SAMD5: variants seen among roughly 807,000 people sequenced by gnomAD.
SAMD5 encodes the protein sterile alpha motif domain-containing protein 5.
SAMD5 carries 13 observed loss-of-function variants against 11.3 expected under a neutral mutation model. That is an observed-to-expected ratio of 1.15 (90% CI 0.75 to 1.83). SAMD5 has a LOEUF of 1.83. Ranked by LOEUF, SAMD5 falls within the 40% of genes most tolerant of loss-of-function variation. SAMD5 has a pLI of 0.00. For missense variants in SAMD5, 255 were observed against 239.1 expected (o/e 1.07, Z -0.44); for synonymous variants, 129 against 111.3 (o/e 1.16, Z -1.00).
At chr6:147,816,301 A>AAAAAAAAAAAAAAAAATATAT in the SAMD5 span, among the ~76,000 whole-genome samples, 3 of 66,356 alleles carry the variant, frequency 4.5e-5, no homozygotes, top group African/African-American at 2.0e-4. Context: ...AAAAAAAAAA[A>AAAAAAAAAAAAAAAAATATAT]ATATATATAT....
the SAMD5 span, among the ~76,000 whole-genome samples, chr6:147,871,260 CAAAT>C: frequency 2.6e-5 from 4 of 152,044 alleles, no homozygotes; most frequent in South Asian, 2.1e-4. Flanking sequence ...AAAGCATACA[CAAAT>C]AAACTAATAT....
chr6:147,789,281 AC>A, the SAMD5 span, among the ~76,000 whole-genome samples: 1,258 of 69,964 alleles, frequency 0.018, 27 homozygotes, highest in African/African-American at 0.12. Flanking sequence ...CTAGAAAAAC[AC>A]ACACACACAC....
intron 1 of SAMD5, among the ~76,000 whole-genome samples, chr6:147,576,142 C>CT (rs34576408): frequency 0.15 from 20,994 of 141,408 alleles, 1,898 homozygotes; most frequent in East Asian, 0.3. Context: ...ATATTTTAAA[C>CT]TTTTTTTTTT....
intron 1 of SAMD5, among the ~76,000 whole-genome samples, chr6:147,669,930 C>G (rs1790773666): frequency 6.6e-6 from 1 of 152,084 alleles, no homozygotes; most frequent in Non-Finnish European, 1.5e-5. Context: ...GAATTCCTTC[C>G]AAAAGGTTTC....
chr6:147,588,552 T>C (rs898549215), intron 1 of SAMD5, among the ~76,000 whole-genome samples: 1 of 151,918 alleles, frequency 6.6e-6, no homozygotes, highest in African/African-American at 2.4e-5. Context: ...TCTCAAACTC[T>C]TGGCCTCGGG....
chr6:147,717,284 C>T (rs577943351), intron 1 of SAMD5, among the ~76,000 whole-genome samples: 23 of 152,314 alleles, frequency 1.5e-4, no homozygotes, highest in African/African-American at 5.5e-4. Flanking sequence ...AAATGGACAA[C>T]TGGTCTTTTC....
the SAMD5 span, among the ~76,000 whole-genome samples, chr6:147,943,515 G>GCTC: frequency 2.7e-5 from 4 of 150,872 alleles, no homozygotes; most frequent in East Asian, 1.9e-4. Flanking sequence ...CATTCTGAGG[G>GCTC]CTCCTCCTCC....
the SAMD5 span, among the ~76,000 whole-genome samples, chr6:147,821,108 T>A: frequency 3.9e-5 from 6 of 152,202 alleles, no homozygotes; most frequent in Admixed American, 3.3e-4. Context: ...AAAGAACGAA[T>A]GAATAACAAA....
At chr6:147,595,646 C>G (rs958049274) in intron 1 of SAMD5, among the ~76,000 whole-genome samples, 1 of 151,560 alleles carries the variant, frequency 6.6e-6, no homozygotes, top group African/African-American at 2.4e-5. Context: ...CCTGCCTCAG[C>G]CTCCTGAGTA....
intron 1 of SAMD5, among the ~76,000 whole-genome samples, chr6:147,598,528 G>T: frequency 6.6e-6 from 1 of 152,158 alleles, no homozygotes; most frequent in African/African-American, 2.4e-5. Context: ...AAAGCCCTGG[G>T]TTCGAGGCAT....
At position 147,569,279 on chromosome 6, in the gene SAMD5, T is replaced by C; in HGVS notation, c.*4823T>C. 2.5e-6 allele frequency: 1 copy of C among 406,112 alleles called. No individual in the cohort carries two copies. Among genetic ancestry groups the C allele is most frequent in the South Asian group, 1.0e-4 (1 of 9,710 alleles). The allele number at this position is 406,112 out of a possible 1,614,324, so 25.2% of individuals were successfully genotyped here. A position where few individuals can be genotyped will look rare whatever the true frequency, so the allele number is the denominator to read the frequency against. On this transcript the variant is annotated 3_prime_UTR_variant, in exon 2 of 2. Transcript: ENST00000367474. ...TTGAAGAACATAACTTTTCTACTTA[T>C]GAAATAGATAATTTTTTAAAATTGT...
At position 147,564,839 on chromosome 6, in the gene SAMD5, CAGTA is replaced by C; in HGVS notation, c.*388_*391del. The C allele has an allele frequency of 1.0e-6, 1 of 959,516 alleles. No individual in the cohort carries two copies. The allele number at this position is 959,516 out of a possible 1,614,324, so 59.4% of individuals were successfully genotyped here. A position where few individuals can be genotyped will look rare whatever the true frequency, so the allele number is the denominator to read the frequency against. On this transcript the variant is annotated 3_prime_UTR_variant, in exon 2 of 2. Coordinates refer to ENST00000367474, the MANE Select transcript of SAMD5 (RefSeq NM_001030060.3). ...ATATAACAAAAAGGTAGATTTCTGA[CAGTA>C]AGTAGTAATTATATTATTTCCAAAT... is the stretch of plus-strand genomic sequence containing the variant.
the SAMD5 span, among the ~76,000 whole-genome samples, chr6:147,880,857 A>G: frequency 1.3e-5 from 2 of 152,200 alleles, no homozygotes; most frequent in Non-Finnish European, 2.9e-5. Flanking sequence ...GTAAAATTGT[A>G]CTAGATCCTG....
chr6:147,611,528 A>G (rs1192213548), intron 1 of SAMD5, among the ~76,000 whole-genome samples: 1 of 152,090 alleles, frequency 6.6e-6, no homozygotes, highest in Non-Finnish European at 1.5e-5. Context: ...ACACCACTGT[A>G]CTCCAGCCTG....
At chr6:147,681,562 T>G (rs4336464) in intron 1 of SAMD5, among the ~76,000 whole-genome samples, 17,487 of 152,226 alleles carry the variant, frequency 0.11, 1,103 homozygotes, top group African/African-American at 0.16. Context: ...TTCATGGATT[T>G]TGTTTTCTTG....
chr6:147,857,833 C>T, the SAMD5 span, among the ~76,000 whole-genome samples: 2 of 152,166 alleles, frequency 1.3e-5, no homozygotes, highest in Admixed American at 1.3e-4. Context: ...ATGAAGTTTA[C>T]AGCAAAGAAC....
the SAMD5 span, among the ~76,000 whole-genome samples, chr6:147,915,793 G>A: frequency 6.6e-6 from 1 of 152,104 alleles, no homozygotes; most frequent in African/African-American, 2.4e-5. Flanking sequence ...GGGTACATGT[G>A]CACAATGTGC....
At chr6:147,885,280 A>G in the SAMD5 span, among the ~76,000 whole-genome samples, 3 of 152,158 alleles carry the variant, frequency 2.0e-5, no homozygotes, top group African/African-American at 7.2e-5. Flanking sequence ...GCAACATAGC[A>G]ATAGCAAGAC....
At chr6:147,922,934 AAC>A in the SAMD5 span, among the ~76,000 whole-genome samples, 1 of 152,108 alleles carries the variant, frequency 6.6e-6, no homozygotes, top group Non-Finnish European at 1.5e-5. Context: ...TTCAAGTGTA[AAC>A]ACATTTCTTT....
Sources: allele counts gnomAD v4.1 joint callset (sites outside exome capture counted in the v4.1 genomes callset), GRCh38; gene constraint gnomAD v4.1.1; transcripts MANE v1.5; gene names NCBI Gene and HGNC (gene_info 2026-07-23, HGNC 2026-07-21).